GMEB1: variants seen among roughly 807,000 people sequenced by gnomAD.
GMEB1 encodes the protein glucocorticoid modulatory element-binding protein 1.
GMEB1 carries 6 observed loss-of-function variants against 52.4 expected under a neutral mutation model. That is an observed-to-expected ratio of 0.11 (90% confidence interval 0.06 to 0.23). The LOEUF is 0.23. Ranked by LOEUF, GMEB1 falls within the 10% of genes least tolerant of loss-of-function variation. The pLI, the probability that GMEB1 is intolerant of heterozygous loss-of-function variation, is 1.00. For synonymous variants in GMEB1, 255 were observed against 244.9 expected (o/e 1.04, Z -0.38); for missense variants, 486 against 685.6 (o/e 0.71, Z 3.25).
intron 7 of GMEB1, 135 bp downstream of exon 7, chr1:28,702,704 A>G: frequency 1.4e-6 from 1 of 690,076 alleles, no homozygotes; most frequent in Non-Finnish European, 2.4e-6. Context: ...ATAGCTACAA[A>G]CATCCTACTT....
intron 6 of GMEB1, 151 bp from the exon 7 acceptor site, chr1:28,702,287 C>T: frequency 4.0e-6 from 2 of 500,102 alleles, no homozygotes; most frequent in Non-Finnish European, 7.1e-6. Context: ...CCTAGCTTAC[C>T]TAAGAGTCTA....
Position 28,714,391 on chromosome 1 carries a change from G to A in GMEB1, c.1310G>A (p.Arg437His), listed in dbSNP as rs368023711. Residue 437 changes from arginine (R) to histidine (H), a missense_variant, in exon 10 of 10, where the codon CGC (arginine) becomes CAC (histidine). Physicochemically the swap from Arg to His is conservative, Grantham distance 29. Coordinates refer to ENST00000373816, the MANE Select transcript of GMEB1 (RefSeq NM_001319674.2). ...CTGCCTTCTGGCCCTCAGCTCTTCC[G>A]CTATGCCACAGTGGTCTCCTCTGCC... ...HTLPSGPQLF[R>H]YATVVSSAKS... The A allele has an allele frequency of 1.2e-4, 187 of 1,614,116 alleles. No homozygotes were observed. The highest frequency in any genetic ancestry group is 5.3e-4 in the South Asian group (48 of 91,076).
chr1:28,676,724 C>CAAA (rs756485511), intron 1 of GMEB1, among the ~76,000 whole-genome samples: 1 of 145,524 alleles, frequency 6.9e-6, no homozygotes, highest in Non-Finnish European at 1.5e-5. Flanking sequence ...GACTCCGTCT[C>CAAA]AAAAAAAAAT....
chr1:28,673,146 G>A (rs1386787005), intron 1 of GMEB1, among the ~76,000 whole-genome samples: 3 of 152,040 alleles, frequency 2.0e-5, no homozygotes, highest in South Asian at 2.1e-4. Flanking sequence ...CGCCTGCCTC[G>A]GCCTCCCGAA....
rs1399256461 is a variant in GMEB1, at chr1:28,687,379, C to CAAAAAAA, written c.129-2724_129-2723insAAAAAAA. On this transcript the variant is annotated intron_variant, in intron 2 of 9. Transcript: ENST00000373816. ...ACACACACACACACACACACACACA[C>CAAAAAAA]ACACACACAAAAAAAGACAGTGGAG... 4.2e-3 allele frequency among the ~76,000 whole-genome samples: 69 copies of CAAAAAAA among 16,372 alleles called. 17 individuals carry two copies. The highest frequency in any genetic ancestry group is 0.011 in the South Asian group (4 of 360). The allele number at this position is 16,372 out of a possible 152,430, so 10.7% of individuals were successfully genotyped here.
intron 1 of GMEB1, among the ~76,000 whole-genome samples, chr1:28,670,826 A>G (rs1029291936): frequency 3.3e-5 from 5 of 152,136 alleles, no homozygotes; most frequent in African/African-American, 7.2e-5. Context: ...CCTTATATCA[A>G]GGATGTATAT....
At position 28,704,608 on chromosome 1, in the gene GMEB1, A is replaced by AT. The variant is rs961425046; in HGVS notation, c.868+294dup. Among the ~76,000 whole-genome samples, 224 of 145,330 alleles carry AT rather than the reference A, an allele frequency of 1.5e-3. 1 individual carries two copies. Among genetic ancestry groups the AT allele is most frequent in the South Asian group, 6.9e-3 (32 of 4,636 alleles). ...GAGATGCTTTGTCTCCACAAAAAAA[A>AT]TTTTTTTTTTTTTTTGAGACGGAGT... is the stretch of plus-strand genomic sequence containing the variant. On this transcript the variant is annotated intron_variant, in intron 8 of 9. Transcript: ENST00000373816.
intron 2 of GMEB1, chr1:28,689,844 G>C: frequency 5.8e-6 from 2 of 344,616 alleles, no homozygotes; most frequent in Non-Finnish European, 5.2e-6. Flanking sequence ...AGTAGCAAGT[G>C]GTGGTATAAA....
chr1:28,698,411 C>CA (rs936063426), intron 6 of GMEB1, among the ~76,000 whole-genome samples: 1 of 150,610 alleles, frequency 6.6e-6, no homozygotes, highest in Non-Finnish European at 1.5e-5. Context: ...CATGGTGGCT[C>CA]ACGCCTGTAA....
At chr1:28,701,418 C>T (rs1670507164) in intron 6 of GMEB1, among the ~76,000 whole-genome samples, 1 of 151,776 alleles carries the variant, frequency 6.6e-6, no homozygotes. Flanking sequence ...TACAGGCACC[C>T]GCCAGCACAC....
At chr1:28,669,336 G>A (rs1028863637) in intron 1 of GMEB1, among the ~76,000 whole-genome samples, 1 of 152,102 alleles carries the variant, frequency 6.6e-6, no homozygotes, top group African/African-American at 2.4e-5. Flanking sequence ...CTTGGATGAG[G>A]AGCTGGTTGG....
rs1282887997 is a variant in GMEB1, at chr1:28,715,084, G to T, written c.*311G>T. On this transcript the variant is annotated 3_prime_UTR_variant, in exon 10 of 10. Transcript: ENST00000373816. ...TGTCCAGAAAGCCATTTCCAGGCTC[G>T]TCTGTGTGTGTAGGCATGTGGTTTT... is the stretch of plus-strand genomic sequence containing the variant. 4 of 300,076 alleles carry T rather than the reference G, an allele frequency of 1.3e-5. No homozygotes were observed. Among genetic ancestry groups the T allele is most frequent in the South Asian group, 9.2e-5 (2 of 21,642 alleles). The allele number at this position is 300,076 out of a possible 1,614,324, so 18.6% of individuals were successfully genotyped here. A position where few individuals can be genotyped will look rare whatever the true frequency, so the allele number is the denominator to read the frequency against.
intron 1 of GMEB1, among the ~76,000 whole-genome samples, chr1:28,679,269 C>T (rs368716493): frequency 1.3e-4 from 20 of 152,202 alleles, no homozygotes; most frequent in African/African-American, 4.6e-4. Flanking sequence ...CCTCCACCTC[C>T]TGGGTTCAAT....
At chr1:28,697,197 A>ATATATATATATATG (rs1334114115) in intron 6 of GMEB1, 113 bp downstream of exon 6, 2 of 179,712 alleles carry the variant, frequency 1.1e-5, no homozygotes, top group African/African-American at 3.0e-5. Flanking sequence ...ATATATATAT[A>ATATATATATATATG]TATGTATTTT....
In GMEB1 at chr1:28,697,021, A is replaced by G; in HGVS notation, c.535A>G (p.Ser179Gly). The G allele has an allele frequency of 6.2e-7, 1 of 1,612,726 alleles. No individual in the cohort carries two copies. The change falls in exon 6 of 10, where the codon AGT (serine) becomes GGT (glycine). Residue 179 changes from serine (S) to glycine (G), a missense_variant. Around this residue, in one of 5 missense-constraint regions of GMEB1, gnomAD observed 200 missense variants for 253.5 expected, o/e 0.79. Coordinates refer to ENST00000373816, the MANE Select transcript of GMEB1 (RefSeq NM_001319674.2). ...RSTKFDLLISSARAPVPGQQT... is the reference protein window; with the variant it reads ...RSTKFDLLISGARAPVPGQQT... ...CACCAAATTTGATCTTCTGATCAGC[A>G]GTGCAAGAGCTCCAGTGCCAGGACA...
Position 28,714,480 on chromosome 1 carries a change from A to G in GMEB1, c.1399A>G (p.Thr467Ala), listed in dbSNP as rs1047737019. 5 of 1,614,052 alleles carry G rather than the reference A, an allele frequency of 3.1e-6. No homozygotes were observed. The highest frequency in any genetic ancestry group is 2.2e-5 in the South Asian group (2 of 91,088). The stretch of plus-strand genomic sequence containing the variant: ...ATCTAGCTTGGCGCTGCTGAGCTCT[A>G]CTGCCATGCAGGATGGGAGTACACT... ...PSSSLALLSS[T>A]AMQDGSTLGN... The change falls in exon 10 of 10, where the codon ACT becomes GCT. Residue 467 changes from threonine to alanine, a missense_variant. This residue lies in a region of GMEB1 where 153 missense variants were observed against 200.8 expected (regional missense o/e 0.76). Transcript: ENST00000373816.
intron 5 of GMEB1, among the ~76,000 whole-genome samples, chr1:28,696,191 C>T (rs1273136535): frequency 6.6e-6 from 1 of 151,666 alleles, no homozygotes; most frequent in Non-Finnish European, 1.5e-5. Flanking sequence ...CTCATCCTCC[C>T]AATTAGCTGG....
chr1:28,710,771 A>G (rs1671022319), intron 9 of GMEB1, 129 bp downstream of exon 9: 1 of 556,776 alleles, frequency 1.8e-6, no homozygotes, highest in Non-Finnish European at 2.8e-6. Context: ...TTTAAAAATA[A>G]AAAAAAAAGC....
At chr1:28,710,457 A>C (rs894840616) in intron 8 of GMEB1, 63 bp from the exon 9 acceptor site, 1 of 1,341,162 alleles carries the variant, frequency 7.5e-7, no homozygotes, top group Non-Finnish European at 1.0e-6. Flanking sequence ...TATAAACAGC[A>C]CAATGGAGAG....
Sources: gnomAD v4.1 joint callset for allele counts (sites outside exome capture counted in the v4.1 genomes callset) on GRCh38, gnomAD v4.1.1 for gene constraint, gnomAD v4.1.1 regional missense constraint, MANE v1.5 for transcripts, NCBI Gene and HGNC (gene_info 2026-07-23, HGNC 2026-07-21) for gene names.